Variants in AOX1 observed in about 807,000 individuals in gnomAD.
The protein encoded by AOX1 is aldehyde oxidase.
Under a neutral mutation model 169.5 loss-of-function variants are expected in AOX1, and 153 were observed. The ratio of observed to expected loss-of-function variants is 0.90; its 90% CI spans 0.79 to 1.03. The LOEUF (loss-of-function observed/expected upper bound fraction) is 1.03. AOX1 is among the 50% of genes least tolerant of loss of function. The pLI is 0.00. For synonymous variants in AOX1, 562 were observed against 581.9 expected (o/e 0.97, Z 0.49); for missense variants, 1,656 against 1,663.9 (o/e 1.00, Z 0.08).
intron 5 of AOX1, among the ~76,000 whole-genome samples, chr2:200,600,252 G>T (rs2034381241): frequency 6.6e-6 from 1 of 152,154 alleles, no homozygotes; most frequent in Admixed American, 6.5e-5. Flanking sequence ...TTATTCATCA[G>T]CCCTTGGGAA....
At chr2:200,615,844 G>T (rs2034744077) in intron 15 of AOX1, 127 bp from the exon 16 acceptor site, 1 of 665,888 alleles carries the variant, frequency 1.5e-6, no homozygotes, top group Non-Finnish European at 2.7e-6. Context: ...TCTGAATAGG[G>T]TGAGTGCTTA....
Position 200,630,900 on chromosome 2 carries a change from T to C in AOX1, c.2221+3451T>C, listed in dbSNP as rs532494905. Among the ~76,000 whole-genome samples, 12 of 152,080 alleles carry C rather than the reference T, an allele frequency of 7.9e-5. No homozygotes were observed. The East Asian group carries it at 2.3e-3, about 29-fold the overall frequency. On this transcript the variant is annotated intron_variant, in intron 20 of 34. Transcript: ENST00000374700. The stretch of plus-strand genomic sequence containing the variant: ...GGAAGAATAGCTAATGCATGCTAGG[T>C]TTAATACCTAAGTGATGGGTTCATC...
chr2:200,590,798 A>G (rs975470543), intron 1 of AOX1, among the ~76,000 whole-genome samples: 5 of 152,198 alleles, frequency 3.3e-5, no homozygotes, highest in South Asian at 2.1e-4. Context: ...ATTGTTTACC[A>G]TCATATCTAG....
chr2:200,607,063 T>A (rs562578045), intron 10 of AOX1, among the ~76,000 whole-genome samples: 113 of 152,324 alleles, frequency 7.4e-4, no homozygotes, highest in Non-Finnish European at 1.1e-3. Flanking sequence ...TTGTGCCAGT[T>A]TTCAAAGGGA....
chr2:200,611,888 A>G (rs759632608), intron 13 of AOX1, among the ~76,000 whole-genome samples: 1 of 151,890 alleles, frequency 6.6e-6, no homozygotes, highest in Non-Finnish European at 1.5e-5. Flanking sequence ...CATTTTTAGT[A>G]GAGACGGGGT....
Position 200,605,605 on chromosome 2 carries a change from G to A in AOX1, c.884G>A (p.Ser295Asn), listed in dbSNP as rs1190056952. 6.4e-7 allele frequency: 1 copy of A among 1,558,870 alleles called. No homozygotes were observed. Among genetic ancestry groups the A allele is most frequent in the South Asian group, 1.2e-5 (1 of 80,322 alleles). Reference protein sequence around the residue: ...IISPDRIEELSVVNHAYNGLT... With the variant: ...IISPDRIEELNVVNHAYNGLT... Reference sequence around the variant, plus strand: ...TCTCCTGATAGAATTGAAGAACTGAGTGTTGTAAACCATGCATATAATGGT... The same window carrying A: ...TCTCCTGATAGAATTGAAGAACTGAATGTTGTAAACCATGCATATAATGGT... Residue 295 changes from serine to asparagine, a missense_variant, in exon 10 of 35, where the codon AGT (serine) becomes AAT (asparagine). Ser to Asn is a conservative substitution (Grantham distance 46, BLOSUM62 1). Transcript: ENST00000374700.
In AOX1 at chr2:200,587,149, C is replaced by G. The variant is rs536862346; in HGVS notation, c.45+996C>G. The stretch of plus-strand genomic sequence containing the variant: ...CAAAACAACAACAACAAAAAAAAAC[C>G]GGTGTGGTGGTGCGTGCCTGCAGCC... On this transcript the variant is annotated intron_variant, in intron 1 of 34. Coordinates refer to ENST00000374700, the MANE Select transcript of AOX1 (RefSeq NM_001159.4). 5.9e-5 allele frequency among the ~76,000 whole-genome samples: 9 copies of G among 151,368 alleles called. No individual in the cohort carries two copies. The East Asian group carries it at 9.7e-4, about 16-fold the overall frequency.
rs867494410 is a variant in AOX1, at chr2:200,630,190, G to C, written c.2221+2741G>C. 2.5e-5 allele frequency among the ~76,000 whole-genome samples: 3 copies of C among 121,460 alleles called. No individual in the cohort carries two copies. The Admixed American group carries it at 2.9e-4, about 12-fold the overall frequency. The allele number at this position is 121,460 out of a possible 152,430, so 79.7% of individuals were successfully genotyped here. ...GGAGTTTGAGACCAGCCCGGTCAAT[G>C]TAGCAAGACTCCTTCTATTTAAAAA... On this transcript the variant is annotated intron_variant, in intron 20 of 34. Coordinates refer to ENST00000374700, the MANE Select transcript of AOX1 (RefSeq NM_001159.4).
In AOX1 at chr2:200,664,796, C is replaced by T. The variant is rs1026285814; in HGVS notation, c.3543+1827C>T. Among the ~76,000 whole-genome samples the T allele has an allele frequency of 2.6e-5, 4 of 152,226 alleles. No homozygotes were observed. In the South Asian group the frequency reaches 6.2e-4, roughly 24 times the overall value. ...CAAAATTTTCCTCACTTTGAACCTA[C>T]ATCTAAATATCAGTTACCTGTTCTG... On this transcript the variant is annotated intron_variant, in intron 31 of 34. Coordinates refer to ENST00000374700, the MANE Select transcript of AOX1 (RefSeq NM_001159.4).
intron 27 of AOX1, among the ~76,000 whole-genome samples, chr2:200,657,165 A>ATATATATAT (rs2035706456): frequency 1.1e-5 from 1 of 88,366 alleles, no homozygotes; most frequent in African/African-American, 5.2e-5. Flanking sequence ...CTCTACCAAA[A>ATATATATAT]ATATATATAT....
intron 11 of AOX1, 42 bp downstream of exon 11, chr2:200,609,177 G>A (rs910831818): frequency 6.2e-7 from 1 of 1,607,702 alleles, no homozygotes; most frequent in Non-Finnish European, 8.5e-7. Flanking sequence ...GCATCCCTTG[G>A]GTGACTCTCC....
intron 32 of AOX1, 24 bp from the exon 33 acceptor site, chr2:200,668,591 A>G (rs767966455): frequency 1.9e-6 from 3 of 1,579,962 alleles, no homozygotes; most frequent in Non-Finnish European, 2.6e-6. Context: ...ATACGTGGAA[A>G]TTCTTTTTTT....
At chr2:200,673,535 T>G (rs978783815), downstream of AOX1, among the ~76,000 whole-genome samples, 6 of 152,178 alleles carry the variant, frequency 3.9e-5, no homozygotes, top group Non-Finnish European at 8.8e-5. Context: ...CAAGCCACCT[T>G]CATTTCTCCC....
At chr2:200,673,985 C>T (rs2036061559), downstream of AOX1, among the ~76,000 whole-genome samples, 1 of 152,160 alleles carries the variant, frequency 6.6e-6, no homozygotes. Flanking sequence ...CTTGTGAAAA[C>T]ACAAGTCGTA....
chr2:200,599,503 C>A, intron 4 of AOX1, 117 bp from the exon 5 acceptor site: 1 of 817,606 alleles, frequency 1.2e-6, no homozygotes, highest in Non-Finnish European at 1.8e-6. Context: ...GGGGCCTCTG[C>A]TGCAATCTTA....
chr2:200,609,111 TG>T lies in AOX1; in HGVS notation c.1038del (p.Ser347ProfsTer9). The T allele has an allele frequency of 6.2e-7, 1 of 1,614,090 alleles. No homozygotes were observed. Among genetic ancestry groups the T allele is most frequent in the Non-Finnish European group, 8.5e-7 (1 of 1,179,988 alleles). On this transcript the variant is annotated frameshift_variant, in exon 11 of 35. Transcript: ENST00000374700. LOFTEE classifies it high-confidence loss of function. ...TCCTGAAGCATTTGGGAACTCTGGC[TG>T]GGTCCCAGATCAGGAACATGGCTGT... ...ALLKHLGTLA[G>X]SQIRNMASLG...
chr2:200,614,728 A>G (rs2034715952), intron 15 of AOX1, among the ~76,000 whole-genome samples: 1 of 152,154 alleles, frequency 6.6e-6, no homozygotes, highest in South Asian at 2.1e-4. Context: ...GGTCACTTTA[A>G]ATAGCAGACA....
Position 200,660,054 on chromosome 2 carries a change from A to C in AOX1, c.3360A>C (p.Gly1120=). ...CCATCATCAGCAAGAATCCTAAAGGAACTTGGAAAGACTGGGTGAGAATCA... is the reference window on the plus strand; with the variant it reads ...CCATCATCAGCAAGAATCCTAAAGGCACTTGGAAAGACTGGGTGAGAATCA... ...LEPIISKNPK[G]TWKDWAQTAF... Residue 1120 remains glycine, a synonymous_variant, in exon 29 of 35, where the codon GGA becomes GGC. Coordinates refer to ENST00000374700, the MANE Select transcript of AOX1 (RefSeq NM_001159.4). The C allele has an allele frequency of 1.2e-6, 2 of 1,613,800 alleles. No individual in the cohort carries two copies. Among genetic ancestry groups the C allele is most frequent in the Non-Finnish European group, 1.7e-6 (2 of 1,179,732 alleles).
intron 30 of AOX1, 146 bp from the exon 31 acceptor site, chr2:200,662,709 T>C: frequency 1.6e-6 from 1 of 613,802 alleles, no homozygotes; most frequent in Non-Finnish European, 2.9e-6. Flanking sequence ...ATTCAACACA[T>C]TTATCGCACA....
Sources: allele counts gnomAD v4.1 joint callset (sites outside exome capture counted in the v4.1 genomes callset), GRCh38; gene constraint gnomAD v4.1.1; transcripts MANE v1.5; gene names NCBI Gene and HGNC (gene_info 2026-07-23, HGNC 2026-07-21).